Variants in POU6F2 observed in about 807,000 individuals in gnomAD.
POU6F2 encodes the protein POU domain, class 6, transcription factor 2.
Under a neutral mutation model 71.3 loss-of-function variants are expected in POU6F2, and 31 were observed. The observed-to-expected ratio is 0.43, with a 90% CI of 0.33 to 0.59. The LOEUF (loss-of-function observed/expected upper bound fraction) is 0.59, where lower values mean the gene tolerates loss of function less well. Among genes scored for constraint, POU6F2 ranks in the 20% least tolerant of loss-of-function variants. The pLI, the probability that POU6F2 is intolerant of heterozygous loss-of-function variation, is 0.04. For missense variants in POU6F2, 783 were observed against 856.8 expected (o/e 0.91, Z 1.07); for synonymous variants, 347 against 355.7 (o/e 0.98, Z 0.27).
intron 5 of POU6F2, among the ~76,000 whole-genome samples, chr7:39,358,502 C>G (rs1264707961): frequency 6.6e-6 from 1 of 152,184 alleles, no homozygotes; most frequent in Non-Finnish European, 1.5e-5. Context: ...CCTCGCCCAA[C>G]CCAGTAACTG....
chr7:39,451,711 C>A lies in POU6F2; in HGVS notation c.1489+10C>A. ...GGCCAGTTAGTCAGCAGTAAGTATC[C>A]TTTCTGGCTCGGTTTAAATCGTGGT... On this transcript the variant is annotated intron_variant, in intron 8 of 9. Coordinates refer to ENST00000518318, the MANE Select transcript of POU6F2 (RefSeq NM_001370959.1). The A allele has an allele frequency of 6.4e-7, 1 of 1,569,042 alleles. No individual in the cohort carries two copies.
At chr7:39,434,576 G>A (rs138460535) in intron 7 of POU6F2, among the ~76,000 whole-genome samples, 1,639 of 151,746 alleles carry the variant, frequency 0.011, 30 homozygotes, top group African/African-American at 0.037. Flanking sequence ...GATGATGATG[G>A]TGATGATTTA....
At chr7:39,425,874 C>G (rs1787956528) in intron 6 of POU6F2, among the ~76,000 whole-genome samples, 1 of 152,168 alleles carries the variant, frequency 6.6e-6, no homozygotes, top group African/African-American at 2.4e-5. Flanking sequence ...TCAGCCTTCT[C>G]AATGGTGATG....
At chr7:39,252,995 G>C (rs1039740461) in intron 4 of POU6F2, among the ~76,000 whole-genome samples, 1 of 152,204 alleles carries the variant, frequency 6.6e-6, no homozygotes, top group Non-Finnish European at 1.5e-5. Flanking sequence ...CCATGACTGT[G>C]TGTGGTCTCT....
intron 2 of POU6F2, among the ~76,000 whole-genome samples, chr7:39,127,317 G>A (rs957020211): frequency 6.6e-6 from 1 of 152,160 alleles, no homozygotes; most frequent in African/African-American, 2.4e-5. Flanking sequence ...TACCAAAAAC[G>A]TGTCTATTTT....
chr7:39,354,609 A>G (rs1786214824), intron 5 of POU6F2, among the ~76,000 whole-genome samples: 1 of 152,212 alleles, frequency 6.6e-6, no homozygotes, highest in African/African-American at 2.4e-5. Flanking sequence ...AAGAAAACAC[A>G]TCAGAGTCTA....
At chr7:39,300,400 G>C (rs1453345765) in intron 4 of POU6F2, among the ~76,000 whole-genome samples, 1 of 152,150 alleles carries the variant, frequency 6.6e-6, no homozygotes, top group Non-Finnish European at 1.5e-5. Flanking sequence ...CAAAGTGCTG[G>C]GGAGGGACTT....
chr7:39,147,100 G>A (rs1792639683), intron 2 of POU6F2, among the ~76,000 whole-genome samples: 1 of 152,126 alleles, frequency 6.6e-6, no homozygotes, highest in African/African-American at 2.4e-5. Context: ...TATCTGAGTG[G>A]TGGGACTACA....
At chr7:39,323,250 A>G (rs544694160) in intron 4 of POU6F2, among the ~76,000 whole-genome samples, 1 of 152,342 alleles carries the variant, frequency 6.6e-6, no homozygotes, top group South Asian at 2.1e-4. Context: ...GAGAGGGGGC[A>G]GTTCATTCTG....
At chr7:39,116,543 T>A (rs1791934184) in intron 2 of POU6F2, among the ~76,000 whole-genome samples, 1 of 152,158 alleles carries the variant, frequency 6.6e-6, no homozygotes, top group African/African-American at 2.4e-5. Context: ...GTTTTGTAGA[T>A]AAGAAAATAA....
intron 5 of POU6F2, among the ~76,000 whole-genome samples, chr7:39,347,017 C>T (rs1237082128): frequency 1.3e-5 from 2 of 152,118 alleles, no homozygotes; most frequent in African/African-American, 4.8e-5. Context: ...AGCAGATGGG[C>T]CTGGGTTTGA....
chr7:39,148,229 C>T (rs1245611906), intron 2 of POU6F2, among the ~76,000 whole-genome samples: 4 of 152,204 alleles, frequency 2.6e-5, no homozygotes, highest in African/African-American at 9.7e-5. Context: ...TTTACAAGTT[C>T]AGGTTGGACC....
At position 39,198,353 on chromosome 7, in the gene POU6F2, G is replaced by A. The variant is rs534899941; in HGVS notation, c.278-5882G>A. On this transcript the variant is annotated intron_variant, in intron 2 of 9. Coordinates refer to ENST00000518318, the MANE Select transcript of POU6F2 (RefSeq NM_001370959.1). ...TAAGAGATTTGTAGAATTTCTTTTT[G>A]TAGTTTATCTAACTGTCCCAAATCT... Among the ~76,000 whole-genome samples, 3 of 152,270 alleles carry A rather than the reference G, an allele frequency of 2.0e-5. No homozygotes were observed. The East Asian group carries it at 5.8e-4, about 29-fold the overall frequency.
intron 5 of POU6F2, among the ~76,000 whole-genome samples, chr7:39,397,834 A>ATATATATAT (rs1395034721): frequency 5.6e-5 from 8 of 143,660 alleles, no homozygotes; most frequent in South Asian, 2.2e-4. Flanking sequence ...ATATATATAT[A>ATATATATAT]GTAGAGACGG....
chr7:39,045,266 G>A (rs1562683821), intron 1 of POU6F2, among the ~76,000 whole-genome samples: 1 of 151,894 alleles, frequency 6.6e-6, no homozygotes, highest in Non-Finnish European at 1.5e-5. Context: ...CCACTGGGTG[G>A]GATTTTCACT....
chr7:39,016,065 A>ATATATATTATATATTATATATAT (rs1562671364), intron 1 of POU6F2, among the ~76,000 whole-genome samples: 3,600 of 33,222 alleles, frequency 0.11, 851 homozygotes, highest in Non-Finnish European at 0.18. Context: ...ATTATATATA[A>ATATATATTATATATTATATATAT]TATATAGATA....
chr7:39,204,425 C>A, intron 3 of POU6F2, 99 bp downstream of exon 3: 1 of 934,224 alleles, frequency 1.1e-6, no homozygotes, highest in Non-Finnish European at 1.6e-6. Flanking sequence ...CAATTGACTC[C>A]AACAGAGCAA....
chr7:39,165,602 G>A (rs571158641), intron 2 of POU6F2, among the ~76,000 whole-genome samples: 3 of 152,032 alleles, frequency 2.0e-5, no homozygotes, highest in Non-Finnish European at 4.4e-5. Context: ...TATATGTTTC[G>A]ATAAATTAAA....
intron 4 of POU6F2, among the ~76,000 whole-genome samples, chr7:39,264,156 C>G (rs1479244902): frequency 6.6e-6 from 1 of 152,198 alleles, no homozygotes; most frequent in Admixed American, 6.5e-5. Context: ...CCCAGCTTCC[C>G]CACTTCTACC....
Sources: gnomAD v4.1 joint callset for allele counts (sites outside exome capture counted in the v4.1 genomes callset) on GRCh38, gnomAD v4.1.1 for gene constraint, MANE v1.5 for transcripts, NCBI Gene and HGNC (gene_info 2026-07-23, HGNC 2026-07-21) for gene names.